DCC: variants seen among roughly 807,000 people sequenced by gnomAD.
DCC encodes DCC netrin 1 receptor.
Under a neutral mutation model 172.5 loss-of-function variants are expected in DCC, and 58 were observed. That is an observed-to-expected ratio of 0.34 (90% CI 0.27 to 0.42). The LOEUF (loss-of-function observed/expected upper bound fraction) is 0.42, where lower values mean the gene tolerates loss of function less well. Ranked by LOEUF, DCC falls within the 10% of genes least tolerant of loss-of-function variation. The pLI is 1.00. For missense variants in DCC, 1,740 were observed against 1,791.0 expected, an observed-to-expected ratio of 0.97 and a Z score of 0.51; for synonymous variants, 709 against 644.5, an observed-to-expected ratio of 1.10 and a Z score of -1.52.
At chr18:52,733,023 T>C (rs894463831) in intron 1 of DCC, among the ~76,000 whole-genome samples, 3 of 152,134 alleles carry the variant, frequency 2.0e-5, no homozygotes, top group African/African-American at 7.2e-5. Flanking sequence ...ATGTCCCCTG[T>C]TTGTAGCTAC....
chr18:53,389,679 G>T (rs1908417802), intron 16 of DCC, among the ~76,000 whole-genome samples: 1 of 152,128 alleles, frequency 6.6e-6, no homozygotes, highest in Admixed American at 6.5e-5. Flanking sequence ...GAAATTTCTG[G>T]ACTGTGTAAG....
At chr18:52,367,387 C>T (rs1467190981) in intron 1 of DCC, among the ~76,000 whole-genome samples, 1 of 152,184 alleles carries the variant, frequency 6.6e-6, no homozygotes, top group Non-Finnish European at 1.5e-5. Flanking sequence ...CCTCAAATGC[C>T]GCCAAAGTGG....
chr18:52,508,091 C>T (rs1310608355), intron 1 of DCC, among the ~76,000 whole-genome samples: 1 of 110,924 alleles, frequency 9.0e-6, no homozygotes, highest in African/African-American at 3.0e-5. Context: ...CAGAGCAAGA[C>T]TCTGTCTCAA....
intron 1 of DCC, among the ~76,000 whole-genome samples, chr18:52,657,332 C>T (rs1422730827): frequency 6.6e-6 from 1 of 152,220 alleles, no homozygotes; most frequent in African/African-American, 2.4e-5. Context: ...TGCTGCTGAG[C>T]TTCGCCACAT....
At chr18:52,370,658 G>C (rs1398426775) in intron 1 of DCC, among the ~76,000 whole-genome samples, 3 of 152,016 alleles carry the variant, frequency 2.0e-5, no homozygotes, top group Non-Finnish European at 2.9e-5. Context: ...AAACCACCAC[G>C]ACACACATTT....
intron 1 of DCC, among the ~76,000 whole-genome samples, chr18:52,581,188 T>TATCTATCTATCTATCTATCTATCTATCC (rs1444323058): frequency 1.9e-3 from 1 of 522 alleles, no homozygotes; most frequent in Non-Finnish European, 0.017. Flanking sequence ...CTATATATCT[T>TATCTATCTATCTATCTATCTATCTATCC]ATCTATCTAT....
intron 1 of DCC, chr18:52,409,380 T>G (rs940493850): frequency 1.3e-5 from 2 of 152,144 alleles, no homozygotes; most frequent in Admixed American, 1.3e-4. Flanking sequence ...TCTTATACAT[T>G]GGTAGAGTGT....
At chr18:52,786,495 T>G (rs1448249720) in intron 2 of DCC, among the ~76,000 whole-genome samples, 1 of 152,132 alleles carries the variant, frequency 6.6e-6, no homozygotes, top group South Asian at 2.1e-4. Flanking sequence ...CCATGTTGTT[T>G]GTAGAAAAAA....
At chr18:53,218,425 TC>T (rs2055885056) in intron 12 of DCC, among the ~76,000 whole-genome samples, 1 of 152,108 alleles carries the variant, frequency 6.6e-6, no homozygotes, top group South Asian at 2.1e-4. Context: ...GAAATCATGT[TC>T]CATAATAATT....
intron 5 of DCC, among the ~76,000 whole-genome samples, chr18:53,034,023 T>C (rs2042059833): frequency 6.6e-6 from 1 of 152,048 alleles, no homozygotes; most frequent in African/African-American, 2.4e-5. Flanking sequence ...TAGTTTCATC[T>C]CATCCTCCTG....
intron 5 of DCC, among the ~76,000 whole-genome samples, chr18:53,001,446 A>T (rs1395135143): frequency 6.6e-6 from 1 of 152,134 alleles, no homozygotes; most frequent in African/African-American, 2.4e-5. Context: ...AAACGTTCAT[A>T]ACCTCATCAA....
rs544720401 is a variant in DCC at position 53,181,996 on chromosome 18, TTTA to T, written c.1573+2882_1573+2884del. ...GTTACAATGACAGCCATGTCTATGCTTTATATATCACACATTCCTTCCCATTCA... is the reference window on the plus strand; with the variant it reads ...GTTACAATGACAGCCATGTCTATGCTTATATCACACATTCCTTCCCATTCA... On this transcript the variant is annotated intron_variant, in intron 9 of 28. Coordinates refer to ENST00000442544, the MANE Select transcript of DCC (RefSeq NM_005215.4). Among the ~76,000 whole-genome samples the T allele has an allele frequency of 1.2e-4, 19 of 152,354 alleles. No individual in the cohort carries two copies. The South Asian group carries it at 3.9e-3, about 32-fold the overall frequency.
chr18:52,794,365 T>C (rs149811457), intron 2 of DCC, among the ~76,000 whole-genome samples: 1 of 152,206 alleles, frequency 6.6e-6, no homozygotes, highest in East Asian at 1.9e-4. Flanking sequence ...TAGAAGTCTT[T>C]TGCATCCTTG....
chr18:52,977,670 G>C (rs972945051), intron 5 of DCC, among the ~76,000 whole-genome samples: 1 of 152,012 alleles, frequency 6.6e-6, no homozygotes, highest in Admixed American at 6.6e-5. Context: ...TGGATCATGA[G>C]GTCAGGAGAT....
intron 5 of DCC, among the ~76,000 whole-genome samples, chr18:52,987,705 C>A (rs2041317846): frequency 6.6e-6 from 1 of 152,140 alleles, no homozygotes. Flanking sequence ...ATGTAGCTTA[C>A]CACATTCCTG....
chr18:53,144,313 T>C (rs2043873376), intron 7 of DCC, among the ~76,000 whole-genome samples: 1 of 152,156 alleles, frequency 6.6e-6, no homozygotes, highest in African/African-American at 2.4e-5. Flanking sequence ...CCCATTTCAA[T>C]GGTGTATTAG....
chr18:52,399,598 C>T lies in DCC; in HGVS notation c.91+58720C>T, dbSNP rs148386029. Among the ~76,000 whole-genome samples, 7 of 151,986 alleles carry T rather than the reference C, an allele frequency of 4.6e-5. No individual in the cohort carries two copies. The East Asian group carries it at 1.4e-3, about 30-fold the overall frequency. On this transcript the variant is annotated intron_variant, in intron 1 of 28. Coordinates refer to ENST00000442544, the MANE Select transcript of DCC (RefSeq NM_005215.4). ...TAGAGTCACATCTGGCTTTTCTTGC[C>T]TGTTGAATCTCTGCTTCATCCTCAA... is the stretch of plus-strand genomic sequence containing the variant.
chr18:52,814,267 C>G lies in DCC; in HGVS notation c.412+61893C>G, dbSNP rs1310628457. On this transcript the variant is annotated intron_variant, in intron 2 of 28. Coordinates refer to ENST00000442544, the MANE Select transcript of DCC (RefSeq NM_005215.4). ...AACAAACAAAATATTGGGAGCCAGC[C>G]AGTCTGGAGTGGGATAGGGCCTATA... 3.3e-5 allele frequency among the ~76,000 whole-genome samples: 5 copies of G among 152,174 alleles called. No individual in the cohort carries two copies. The East Asian group carries it at 9.6e-4, about 29-fold the overall frequency.
At chr18:53,261,282 C>T (rs561263579) in intron 12 of DCC, among the ~76,000 whole-genome samples, 176 of 152,304 alleles carry the variant, frequency 1.2e-3, no homozygotes, top group African/African-American at 3.9e-3. Context: ...AATCACCCAT[C>T]TCCTGCATTG....
Sources: gnomAD v4.1 joint callset for allele counts (sites outside exome capture counted in the v4.1 genomes callset) on GRCh38, gnomAD v4.1.1 for gene constraint, MANE v1.5 for transcripts, NCBI Gene and HGNC (gene_info 2026-07-23, HGNC 2026-07-21) for gene names.